The following RBFOX3 variants were observed in gnomAD, a reference collection of about 807,000 sequenced individuals.
RBFOX3 encodes RNA binding fox-1 homolog 3.
Under a neutral mutation model 48.7 loss-of-function variants are expected in RBFOX3, and 17 were observed. The ratio of observed to expected loss-of-function variants is 0.35; its 90% CI spans 0.24 to 0.52. The LOEUF (loss-of-function observed/expected upper bound fraction) is 0.52, where lower values mean the gene tolerates loss of function less well. RBFOX3 is among the 20% of genes least tolerant of loss of function. The pLI, the probability that RBFOX3 is intolerant of heterozygous loss-of-function variation, is 0.94. For synonymous variants in RBFOX3, 212 were observed against 209.5 expected, an observed-to-expected ratio of 1.01 and a Z score of -0.10; for missense variants, 382 against 497.5, an observed-to-expected ratio of 0.77 and a Z score of 2.21.
At chr17:79,372,317 G>A (rs2058669745) in intron 2 of RBFOX3, among the ~76,000 whole-genome samples, 1 of 81,536 alleles carries the variant, frequency 1.2e-5, no homozygotes, top group African/African-American at 5.0e-5. Flanking sequence ...ACCCCCCCCT[G>A]TCAAATCCCC....
intron 2 of RBFOX3, among the ~76,000 whole-genome samples, chr17:79,431,608 C>T (rs2068473502): frequency 6.6e-6 from 1 of 152,032 alleles, no homozygotes; most frequent in African/African-American, 2.4e-5. Flanking sequence ...CCTCAGCCTC[C>T]TGAGTAGCTG....
chr17:79,278,682 G>A (rs2069522263), intron 3 of RBFOX3, among the ~76,000 whole-genome samples: 1 of 152,256 alleles, frequency 6.6e-6, no homozygotes, highest in African/African-American at 2.4e-5. Context: ...GTGTCCAGGT[G>A]CAGCCTCACA....
chr17:79,173,468 C>T (rs1485345035), intron 4 of RBFOX3, among the ~76,000 whole-genome samples: 2 of 152,214 alleles, frequency 1.3e-5, no homozygotes, highest in Non-Finnish European at 2.9e-5. Flanking sequence ...TAGCCCTGTG[C>T]TGCCTGGTGG....
Position 79,284,058 on chromosome 17 carries a change from G to A in RBFOX3, c.-74+23666C>T, listed in dbSNP as rs567731766. ...TTTGCCTGTTTCAGTACTTATAAAT[G>A]GAGATGCCTTCTCCAGGACCATCGT... On this transcript the variant is annotated intron_variant, in intron 3 of 14. Coordinates refer to ENST00000693108, the MANE Select transcript of RBFOX3 (RefSeq NM_001350451.2). 6.2e-4 allele frequency among the ~76,000 whole-genome samples: 82 copies of A among 132,056 alleles called. 6 individuals carry two copies. The highest frequency in any genetic ancestry group is 2.5e-3 in the African/African-American group (81 of 32,654). 86.6% of individuals were successfully genotyped at this position (132,056 alleles called of 152,430 possible). A position where few individuals can be genotyped will look rare whatever the true frequency, so the allele number is the denominator to read the frequency against.
chr17:79,220,453 C>T lies in RBFOX3; in HGVS notation c.-34+15313G>A, dbSNP rs565690361. On this transcript the variant is annotated intron_variant, in intron 4 of 14. Coordinates refer to ENST00000693108, the MANE Select transcript of RBFOX3 (RefSeq NM_001350451.2). The surrounding 1 kb of genome is among the most constrained non-coding windows in gnomAD (Gnocchi z 5.9). ...CGCTTTATTTCCCCAGGTTGCTCAGCTCCGTGCCTGCTCTCCGCTCGCCCA... is the reference window on the plus strand; with the variant it reads ...CGCTTTATTTCCCCAGGTTGCTCAGTTCCGTGCCTGCTCTCCGCTCGCCCA... 2.6e-5 allele frequency among the ~76,000 whole-genome samples: 4 copies of T among 152,276 alleles called. No homozygotes were observed. In the South Asian group the frequency reaches 8.3e-4, roughly 32 times the overall value.
At chr17:79,276,770 G>A (rs1196586088) in intron 3 of RBFOX3, among the ~76,000 whole-genome samples, 4 of 152,092 alleles carry the variant, frequency 2.6e-5, no homozygotes, top group East Asian at 1.9e-4. Flanking sequence ...CTGCTGCACC[G>A]GCCAGGCATG....
At chr17:79,594,647 T>G (rs1299031847) in intron 1 of RBFOX3, among the ~76,000 whole-genome samples, 3 of 152,220 alleles carry the variant, frequency 2.0e-5, no homozygotes, top group African/African-American at 7.2e-5. Context: ...GAGGGCAGTG[T>G]GAGCAGAGCC....
At chr17:79,563,477 A>G (rs1171510387) in intron 1 of RBFOX3, among the ~76,000 whole-genome samples, 2 of 152,248 alleles carry the variant, frequency 1.3e-5, no homozygotes, top group Non-Finnish European at 2.9e-5. Context: ...TCTGGCCTAC[A>G]GCACATTTGA....
rs2061275951 is a variant in RBFOX3, at chr17:79,390,679, G to C, written c.-174-82855C>G. Among the ~76,000 whole-genome samples the C allele has an allele frequency of 6.6e-6, 1 of 152,208 alleles. No homozygotes were observed. Among genetic ancestry groups the C allele is most frequent in the African/African-American group, 2.4e-5 (1 of 41,446 alleles). ...TTTAGTAGAGACAGGGTTTCGCCAT[G>C]TTGGCCAGGCTGGTCTCGAACTCCT... On this transcript the variant is annotated intron_variant, in intron 2 of 14. Coordinates refer to ENST00000693108, the MANE Select transcript of RBFOX3 (RefSeq NM_001350451.2). The surrounding 1 kb of genome is among the most constrained non-coding windows in gnomAD (Gnocchi z 4.2).
intron 4 of RBFOX3, among the ~76,000 whole-genome samples, chr17:79,149,071 G>A (rs938707417): frequency 6.6e-6 from 1 of 152,182 alleles, no homozygotes; most frequent in East Asian, 1.9e-4. Flanking sequence ...GACGAACAGC[G>A]CACTCTAAAG....
chr17:79,313,751 T>C (rs1392699498), intron 2 of RBFOX3, among the ~76,000 whole-genome samples: 5 of 152,122 alleles, frequency 3.3e-5, no homozygotes, highest in Non-Finnish European at 1.5e-5. Flanking sequence ...CCAGCAAGGC[T>C]CCTGGGGCAG....
At chr17:79,601,554 G>A (rs2093705737) in intron 1 of RBFOX3, 1 of 152,188 alleles carries the variant, frequency 6.6e-6, no homozygotes, top group African/African-American at 2.4e-5. Context: ...TTCCTTTATA[G>A]CCCTCATTTT....
At chr17:79,374,591 C>T (rs772150226) in intron 2 of RBFOX3, among the ~76,000 whole-genome samples, 34 of 152,346 alleles carry the variant, frequency 2.2e-4, no homozygotes, top group African/African-American at 7.2e-4. Flanking sequence ...GAGCTGGCTG[C>T]GCCCAGGTAC....
intron 4 of RBFOX3, among the ~76,000 whole-genome samples, chr17:79,210,981 C>G (rs146678492): frequency 8.2e-4 from 124 of 152,028 alleles, no homozygotes; most frequent in African/African-American, 2.8e-3. Context: ...TACAAATAAA[C>G]AGGAGGAGGT....
chr17:79,620,114 T>C, the RBFOX3 span, among the ~76,000 whole-genome samples: 52,364 of 132,016 alleles, frequency 0.4, 9,726 homozygotes, highest in East Asian at 0.69. Context: ...CATGCACGCA[T>C]ATGCACACAT....
intron 1 of RBFOX3, among the ~76,000 whole-genome samples, chr17:79,513,273 G>A (rs1028909872): frequency 3.3e-5 from 5 of 151,840 alleles, no homozygotes; most frequent in East Asian, 1.9e-4. Context: ...ACACACACCC[G>A]AATGCATGTC....
At chr17:79,368,502 G>T (rs2058092653) in intron 2 of RBFOX3, among the ~76,000 whole-genome samples, 1 of 152,248 alleles carries the variant, frequency 6.6e-6, no homozygotes, top group Non-Finnish European at 1.5e-5. Context: ...GTCAGTCGTG[G>T]GTTCCACCGG....
At chr17:79,330,435 A>C (rs931630319) in intron 2 of RBFOX3, among the ~76,000 whole-genome samples, 2 of 141,564 alleles carry the variant, frequency 1.4e-5, no homozygotes, top group African/African-American at 5.3e-5. Context: ...TCCACCGAGC[A>C]CAACGATGCC....
At chr17:79,394,419 G>T (rs560261866) in intron 2 of RBFOX3, among the ~76,000 whole-genome samples, 1 of 152,234 alleles carries the variant, frequency 6.6e-6, no homozygotes, top group South Asian at 2.1e-4. Context: ...GTGCAGGTGG[G>T]GTTCATCTTA....
Sources: allele counts gnomAD v4.1 joint callset (sites outside exome capture counted in the v4.1 genomes callset), GRCh38; gene constraint gnomAD v4.1.1; non-coding constraint Gnocchi (gnomAD v3.1); transcripts MANE v1.5; gene names NCBI Gene and HGNC (gene_info 2026-07-23, HGNC 2026-07-21).